SLC7A5: variants seen among roughly 807,000 people sequenced by gnomAD.
SLC7A5 encodes the protein solute carrier family 7 member 5.
In SLC7A5, 23 loss-of-function variants were observed where a neutral mutation model predicts 50.2. The observed-to-expected ratio is 0.46, with a 90% CI of 0.33 to 0.65. SLC7A5 has a LOEUF of 0.65. Ranked by LOEUF, SLC7A5 falls within the 30% of genes least tolerant of loss-of-function variation. The probability of loss-of-function intolerance (pLI) is 0.02; values close to 1 mark genes in which losing one functional copy is unlikely to be tolerated. For missense variants in SLC7A5, 578 were observed against 684.4 expected, an observed-to-expected ratio of 0.84 and a Z score of 1.73; for synonymous variants, 393 against 330.6, an observed-to-expected ratio of 1.19 and a Z score of -2.05.
intron 2 of SLC7A5, among the ~76,000 whole-genome samples, chr16:87,844,623 G>A (rs528478164): frequency 3.3e-5 from 5 of 152,362 alleles, no homozygotes; most frequent in South Asian, 2.1e-4. Flanking sequence ...TGAACGCAGT[G>A]TCCCTGGAGA....
At chr16:87,851,923 G>T in intron 1 of SLC7A5, 74 bp from the exon 2 acceptor site, 1 of 1,578,132 alleles carries the variant, frequency 6.3e-7, no homozygotes, top group South Asian at 1.1e-5. Flanking sequence ...GGGAGGTGAC[G>T]ACCCCACCCC....
rs142404036 is a variant in SLC7A5 at position 87,843,962 on chromosome 16, G to C, written c.665-2807C>G. ...CTTCGACATGAAGCCCCAGGCACTGGGCAGGACTGGAAGGAATGGCTGAGC... is the reference window on the plus strand; with the variant it reads ...CTTCGACATGAAGCCCCAGGCACTGCGCAGGACTGGAAGGAATGGCTGAGC... On this transcript the variant is annotated intron_variant, in intron 2 of 9. Transcript: ENST00000261622. Among the ~76,000 whole-genome samples the C allele has an allele frequency of 4.0e-3, 602 of 151,752 alleles. 5 individuals carry two copies. The highest frequency in any genetic ancestry group is 0.014 in the African/African-American group (562 of 41,056).
At chr16:87,840,762 A>T (rs1262559200) in intron 3 of SLC7A5, among the ~76,000 whole-genome samples, 1 of 152,148 alleles carries the variant, frequency 6.6e-6, no homozygotes, top group African/African-American at 2.4e-5. Flanking sequence ...GGGGACCTGG[A>T]GGAAAGGGGC....
intron 2 of SLC7A5, among the ~76,000 whole-genome samples, chr16:87,851,042 G>A (rs571734434): frequency 7.2e-5 from 11 of 152,206 alleles, no homozygotes; most frequent in Non-Finnish European, 1.5e-4. Flanking sequence ...AAAAGGCTCA[G>A]AATCAGTGAT....
intron 1 of SLC7A5, 110 bp from the exon 2 acceptor site, chr16:87,851,959 A>G: frequency 7.4e-7 from 1 of 1,352,324 alleles, no homozygotes; most frequent in Non-Finnish European, 1.0e-6. Flanking sequence ...TCCACCAGAA[A>G]AACAAGCTCC....
intron 1 of SLC7A5, among the ~76,000 whole-genome samples, chr16:87,864,241 G>A (rs1367177648): frequency 5.3e-5 from 8 of 151,512 alleles, no homozygotes; most frequent in Admixed American, 2.6e-4. Flanking sequence ...GCAGTGAGCC[G>A]AGATCGTGCC....
In SLC7A5 at chr16:87,833,110, G is replaced by C; in HGVS notation, c.1469-85C>G. The stretch of plus-strand genomic sequence containing the variant: ...GGGGGCGTGAGCTGGGGCTCCCCCA[G>C]CCCTGCTGTCACCAAACCCAGCGCC... On this transcript the variant is annotated intron_variant, in intron 9 of 9. Transcript: ENST00000261622. The surrounding 1 kb of genome is among the most constrained non-coding windows in gnomAD (Gnocchi z 6.0). The C allele has an allele frequency of 8.7e-7, 1 of 1,153,600 alleles. No homozygotes were observed. The highest frequency in any genetic ancestry group is 1.3e-6 in the Non-Finnish European group (1 of 761,924). The allele number at this position is 1,153,600 out of a possible 1,614,324, so 71.5% of individuals were successfully genotyped here. A position where few individuals can be genotyped will look rare whatever the true frequency, so the allele number is the denominator to read the frequency against.
In SLC7A5 at chr16:87,869,323, CG is replaced by C; in HGVS notation, c.99del (p.Asp33GlufsTer12). The C allele has an allele frequency of 6.2e-7, 1 of 1,610,510 alleles. No individual in the cohort carries two copies. Among genetic ancestry groups the C allele is most frequent in the Non-Finnish European group, 8.5e-7 (1 of 1,179,360 alleles). ...TCGCCCTCGCCTGCCGGCGCCGAGCCGTCCGCGCTCTTGGCGGCCAGCATCT... is the reference window on the plus strand; with the variant it reads ...TCGCCCTCGCCTGCCGGCGCCGAGCCTCCGCGCTCTTGGCGGCCAGCATCT... ...REKMLAAKSA[D>X]GSAPAGEGEG... On this transcript the variant is annotated frameshift_variant, in exon 1 of 10. Coordinates refer to ENST00000261622, the MANE Select transcript of SLC7A5 (RefSeq NM_003486.7). LOFTEE classifies it high-confidence loss of function.
In SLC7A5 at chr16:87,864,279, C is replaced by A. The variant is rs187586662; in HGVS notation, c.538+4606G>T. ...TGCACTCCAGCCTGGACAAAAAGAG[C>A]GAAACTCCACCTCAAAATAAATAAA... is the stretch of plus-strand genomic sequence containing the variant. On this transcript the variant is annotated intron_variant, in intron 1 of 9. Coordinates refer to ENST00000261622, the MANE Select transcript of SLC7A5 (RefSeq NM_003486.7). Among the ~76,000 whole-genome samples the A allele has an allele frequency of 6.9e-3, 1,048 of 151,520 alleles. 11 individuals carry two copies. The highest frequency in any genetic ancestry group is 0.029 in the Admixed American group (434 of 15,196).
chr16:87,843,024 G>A (rs986498523), intron 2 of SLC7A5, among the ~76,000 whole-genome samples: 1 of 152,126 alleles, frequency 6.6e-6, no homozygotes, highest in Admixed American at 6.5e-5. Context: ...GACCTGCCAG[G>A]CTGCTTGAGA....
chr16:87,851,803 C>G lies in SLC7A5; in HGVS notation c.585G>C (p.Arg195=), dbSNP rs149738207. 1 of 1,612,936 alleles carries G rather than the reference C, an allele frequency of 6.2e-7. No homozygotes were observed. Among genetic ancestry groups the G allele is most frequent in the African/African-American group, 1.3e-5 (1 of 74,890 alleles). Residue 195 remains arginine (R), a synonymous_variant, in exon 2 of 10, where the codon CGG becomes CGC. Transcript: ENST00000261622. ...VNCYSVKAAT[R]VQDAFAAAKL... ...TGGCGGCGGCAAAGGCATCCTGGAC[C>G]CGGGTGGCGGCCTTCACGCTGTAGC...
intron 2 of SLC7A5, among the ~76,000 whole-genome samples, chr16:87,848,593 C>T (rs1014577427): frequency 6.6e-6 from 1 of 152,204 alleles, no homozygotes; most frequent in Non-Finnish European, 1.5e-5. Context: ...CCCCAAGACG[C>T]GGAGGAGGCA....
intron 7 of SLC7A5, 67 bp downstream of exon 7, chr16:87,837,778 G>C: frequency 7.6e-7 from 1 of 1,309,970 alleles, no homozygotes. Flanking sequence ...AGCTGTGGCA[G>C]CCTCCCTCTG....
At chr16:87,867,065 G>A (rs567743024) in intron 1 of SLC7A5, among the ~76,000 whole-genome samples, 147 of 151,532 alleles carry the variant, frequency 9.7e-4, no homozygotes, top group Admixed American at 1.9e-3. Flanking sequence ...GATTACAGGC[G>A]TGAGCCACTC....
At chr16:87,868,803 G>A in intron 1 of SLC7A5, 82 bp downstream of exon 1, 3 of 1,371,362 alleles carry the variant, frequency 2.2e-6, no homozygotes, top group Non-Finnish European at 3.0e-6. Flanking sequence ...TAGAGATGTG[G>A]GAGCCAGGGG....
intron 5 of SLC7A5, 79 bp from the exon 6 acceptor site, chr16:87,838,896 C>A: frequency 9.8e-7 from 1 of 1,023,430 alleles, no homozygotes; most frequent in Non-Finnish European, 1.5e-6. Flanking sequence ...GCCCTCTGCA[C>A]CGGGCCAGCC....
At chr16:87,844,333 G>T (rs115484049) in intron 2 of SLC7A5, among the ~76,000 whole-genome samples, 2 of 152,238 alleles carry the variant, frequency 1.3e-5, no homozygotes, top group Non-Finnish European at 2.9e-5. Flanking sequence ...TCCCCCGAGA[G>T]CGGGGTAATT....
chr16:87,839,757 G>A lies in SLC7A5; in HGVS notation c.884C>T (p.Ala295Val). The A allele has an allele frequency of 6.2e-7, 1 of 1,613,906 alleles. No individual in the cohort carries two copies. The highest frequency in any genetic ancestry group is 8.5e-7 in the Non-Finnish European group (1 of 1,179,982). ...VTLVYVLTNLAYFTTLSTEQM... is the reference protein window; with the variant it reads ...VTLVYVLTNLVYFTTLSTEQM... ...CTCGGTGGACAGGGTGGTGAAGTAG[G>A]CCAGGTTGGTCAGCACGTACACCAG... Residue 295 changes from alanine (A) to valine (V), a missense_variant, in exon 5 of 10, where the codon GCC (alanine) becomes GTC (valine). By Grantham distance (64) the Ala-to-Val change is moderately conservative (BLOSUM62 0). Around this residue, in one of 2 missense-constraint regions of SLC7A5, gnomAD observed 465 missense variants for 594.6 expected, o/e 0.78. Transcript: ENST00000261622.
At position 87,845,478 on chromosome 16, in the gene SLC7A5, C is replaced by G. The variant is rs548047807; in HGVS notation, c.665-4323G>C. On this transcript the variant is annotated intron_variant, in intron 2 of 9. Coordinates refer to ENST00000261622, the MANE Select transcript of SLC7A5 (RefSeq NM_003486.7). ...CACTCCAGGCAGAGTCCACGCCCAC[C>G]CCACAGAGTCCACGCCCACCCCAGA... Among the ~76,000 whole-genome samples, 504 of 128,672 alleles carry G rather than the reference C, an allele frequency of 3.9e-3. 14 individuals carry two copies. The highest frequency in any genetic ancestry group is 1.5e-3 in the East Asian group (7 of 4,792). 84.4% of individuals were successfully genotyped at this position (128,672 alleles called of 152,430 possible).
Sources: allele counts gnomAD v4.1 joint callset (sites outside exome capture counted in the v4.1 genomes callset), GRCh38; gene constraint gnomAD v4.1.1; regional missense constraint gnomAD v4.1.1; non-coding constraint Gnocchi (gnomAD v3.1); transcripts MANE v1.5; gene names NCBI Gene and HGNC (gene_info 2026-07-23, HGNC 2026-07-21).